TRPS1: variants seen among roughly 807,000 people sequenced by gnomAD.
TRPS1 encodes the protein zinc finger transcription factor Trps1.
A neutral mutation model predicts 101.2 loss-of-function variants in TRPS1; 6 were observed. The observed-to-expected ratio is 0.06, with a 90% confidence interval of 0.03 to 0.12. TRPS1 has a LOEUF of 0.12. TRPS1 is among the 10% of genes least tolerant of loss of function. TRPS1 has a pLI of 1.00. For synonymous variants in TRPS1, 578 were observed against 589.8 expected, an observed-to-expected ratio of 0.98 and a Z score of 0.29; for missense variants, 1,363 against 1,567.0, an observed-to-expected ratio of 0.87 and a Z score of 2.20.
chr8:115,562,546 A>G (rs1350792462), intron 5 of TRPS1, among the ~76,000 whole-genome samples: 1 of 151,522 alleles, frequency 6.6e-6, no homozygotes, highest in East Asian at 1.9e-4. Flanking sequence ...ACTGAACTGC[A>G]GTTTATATAA....
chr8:115,626,265 T>C (rs2737222), intron 1 of TRPS1, among the ~76,000 whole-genome samples: 1 of 151,314 alleles, frequency 6.6e-6, no homozygotes, highest in Non-Finnish European at 1.5e-5. Context: ...AAAGAACATA[T>C]GTGTTTGCTC....
At chr8:115,511,110 T>C (rs1327228074) in intron 5 of TRPS1, 2 of 151,918 alleles carry the variant, frequency 1.3e-5, no homozygotes, top group South Asian at 2.1e-4. Context: ...CTGCCAGATA[T>C]GAAATTATTG....
chr8:115,473,554 AT>A (rs1410621583), intron 5 of TRPS1, among the ~76,000 whole-genome samples: 1 of 152,100 alleles, frequency 6.6e-6, no homozygotes, highest in African/African-American at 2.4e-5. Context: ...AGTTATTATT[AT>A]TTTTTCTCCA....
chr8:115,604,260 T>C lies in TRPS1; in HGVS notation c.1709A>G (p.His570Arg). The change falls in exon 4 of 7, where the codon CAC becomes CGC. Residue 570 changes from histidine to arginine, a missense_variant. By Grantham distance (29) the His-to-Arg change is conservative (BLOSUM62 0). Coordinates refer to ENST00000395715, the MANE Select transcript of TRPS1 (RefSeq NM_014112.5). This position sits in a 1 kb window ranked among gnomAD's most constrained non-coding sequence, Gnocchi z 4.1. ...LRHYQQLHNI[H>R]KCTIKHCPFC... ...TGGACAGTGTTTAATGGTACACTTGTGAATGTTATGGAGCTGTTGATAATG... is the reference window on the plus strand; with the variant it reads ...TGGACAGTGTTTAATGGTACACTTGCGAATGTTATGGAGCTGTTGATAATG... 6.2e-7 allele frequency: 1 copy of C among 1,614,106 alleles called. No homozygotes were observed. The highest frequency in any genetic ancestry group is 8.5e-7 in the Non-Finnish European group (1 of 1,180,014).
chr8:115,445,690 C>T (rs1332124515), intron 5 of TRPS1, among the ~76,000 whole-genome samples: 1 of 152,078 alleles, frequency 6.6e-6, no homozygotes, highest in East Asian at 1.9e-4. Context: ...AACAGGCACA[C>T]TAACTTGAAG....
intron 6 of TRPS1, 131 bp from the exon 7 acceptor site, chr8:115,415,215 A>G (rs1322867431): frequency 1.0e-6 from 1 of 983,604 alleles, no homozygotes; most frequent in Non-Finnish European, 1.4e-6. Context: ...TAGATTTACT[A>G]AATCTCCTCC....
chr8:115,542,212 G>A (rs555683261), intron 5 of TRPS1, among the ~76,000 whole-genome samples: 28 of 152,282 alleles, frequency 1.8e-4, no homozygotes, highest in South Asian at 6.2e-4. Flanking sequence ...GTACACATCA[G>A]TCAGCATGAC....
chr8:115,470,741 A>G (rs1814447097), intron 5 of TRPS1, among the ~76,000 whole-genome samples: 2 of 152,232 alleles, frequency 1.3e-5, no homozygotes, highest in Admixed American at 1.3e-4. Flanking sequence ...CTGCAAAATT[A>G]AAGTTAGAAA....
intron 5 of TRPS1, among the ~76,000 whole-genome samples, chr8:115,475,532 A>G (rs563518028): frequency 6.6e-6 from 1 of 152,162 alleles, no homozygotes; most frequent in African/African-American, 2.4e-5. Context: ...AATGTATGGT[A>G]ATATGCTGAA....
chr8:115,476,280 A>G (rs1175031745), intron 5 of TRPS1, among the ~76,000 whole-genome samples: 3 of 18,492 alleles, frequency 1.6e-4, no homozygotes, highest in Admixed American at 6.2e-4. Context: ...CGGCCTCCCA[A>G]AGTGCTGGGA....
intron 5 of TRPS1, among the ~76,000 whole-genome samples, chr8:115,494,832 C>T (rs1815109669): frequency 1.3e-5 from 2 of 152,186 alleles, no homozygotes; most frequent in Non-Finnish European, 1.5e-5. Flanking sequence ...CTTAATACTG[C>T]TTTTCCTTCA....
intron 5 of TRPS1, among the ~76,000 whole-genome samples, chr8:115,578,962 T>C (rs574712013): frequency 2.4e-4 from 36 of 152,236 alleles, no homozygotes; most frequent in Non-Finnish European, 4.9e-4. Context: ...CAAAAGAGGC[T>C]ATGCAATGGT....
chr8:115,517,017 C>T (rs563699390), intron 5 of TRPS1, among the ~76,000 whole-genome samples: 42 of 151,160 alleles, frequency 2.8e-4, no homozygotes, highest in Admixed American at 5.3e-4. Flanking sequence ...ATTCCTTTTC[C>T]GGAGTCTTTG....
intron 5 of TRPS1, among the ~76,000 whole-genome samples, chr8:115,472,368 C>A (rs1814493348): frequency 6.6e-6 from 1 of 152,190 alleles, no homozygotes; most frequent in Non-Finnish European, 1.5e-5. Flanking sequence ...TAAGCCACAG[C>A]TGAAACACAG....
At chr8:115,595,228 A>AT (rs1817760410) in intron 4 of TRPS1, among the ~76,000 whole-genome samples, 1 of 151,954 alleles carries the variant, frequency 6.6e-6, no homozygotes, top group Non-Finnish European at 1.5e-5. Context: ...AAAGTTAGTC[A>AT]TTTTTGTAAT....
chr8:115,467,413 A>G (rs1005371229), intron 5 of TRPS1, among the ~76,000 whole-genome samples: 4 of 151,786 alleles, frequency 2.6e-5, no homozygotes, highest in Admixed American at 2.6e-4. Flanking sequence ...CTTTAAAGGA[A>G]GCAATTTGAC....
At chr8:115,497,590 A>G (rs576064321) in intron 5 of TRPS1, among the ~76,000 whole-genome samples, 68 of 152,330 alleles carry the variant, frequency 4.5e-4, no homozygotes, top group Middle Eastern at 3.4e-3. Context: ...AAATTACACA[A>G]AAGAAAAATA....
intron 1 of TRPS1, among the ~76,000 whole-genome samples, chr8:115,663,080 G>A (rs1381642216): frequency 1.3e-5 from 2 of 151,958 alleles, no homozygotes; most frequent in Non-Finnish European, 2.9e-5. Flanking sequence ...CCCAAAAACT[G>A]TTTAAGTTAC....
intron 5 of TRPS1, among the ~76,000 whole-genome samples, chr8:115,440,310 A>G (rs539697186): frequency 2.6e-4 from 39 of 152,336 alleles, no homozygotes; most frequent in African/African-American, 9.4e-4. Flanking sequence ...GTAAGGAGAG[A>G]GAGGCTCACG....
Sources: allele counts gnomAD v4.1 joint callset (sites outside exome capture counted in the v4.1 genomes callset), GRCh38; gene constraint gnomAD v4.1.1; non-coding constraint Gnocchi (gnomAD v3.1); transcripts MANE v1.5; gene names NCBI Gene and HGNC (gene_info 2026-07-23, HGNC 2026-07-21).